Variants in MACROD2 observed in about 807,000 individuals in gnomAD.
The protein encoded by MACROD2 is mono-ADP ribosylhydrolase 2.
MACROD2 carries 36 observed loss-of-function variants against 70.4 expected under a neutral mutation model. The ratio of observed to expected loss-of-function variants is 0.51; its 90% CI spans 0.39 to 0.68. The LOEUF is 0.68. Among genes scored for constraint, MACROD2 ranks in the 30% least tolerant of loss-of-function variants. The pLI is 0.00. For missense variants in MACROD2, 496 were observed against 538.4 expected (o/e 0.92, Z 0.78); for synonymous variants, 172 against 178.8 (o/e 0.96, Z 0.30).
At chr20:15,746,562 T>TA (rs536288457) in intron 8 of MACROD2, among the ~76,000 whole-genome samples, 16,428 of 106,980 alleles carry the variant, frequency 0.15, 1,210 homozygotes, top group East Asian at 0.31. Flanking sequence ...TGGTTTCCAG[T>TA]AAAAAAAAAA....
chr20:14,715,651 A>G (rs988937542), intron 5 of MACROD2, among the ~76,000 whole-genome samples: 1 of 152,166 alleles, frequency 6.6e-6, no homozygotes, highest in East Asian at 1.9e-4. Flanking sequence ...AAACTGTCCC[A>G]TCTGTTCAGA....
At chr20:15,939,107 G>A (rs531584350) in intron 12 of MACROD2, among the ~76,000 whole-genome samples, 1 of 152,196 alleles carries the variant, frequency 6.6e-6, no homozygotes, top group East Asian at 1.9e-4. Flanking sequence ...TTACATTAAT[G>A]TGCAAGGTGA....
chr20:15,975,019 A>T (rs1333814824), intron 13 of MACROD2, among the ~76,000 whole-genome samples: 3 of 152,076 alleles, frequency 2.0e-5, no homozygotes, highest in Non-Finnish European at 2.9e-5. Context: ...AAAAGAGCTA[A>T]TTTTTTTATT....
chr20:14,739,735 G>A (rs973356479), intron 5 of MACROD2, among the ~76,000 whole-genome samples: 2 of 151,988 alleles, frequency 1.3e-5, no homozygotes, highest in African/African-American at 4.8e-5. Flanking sequence ...TTGGAAGCTA[G>A]CTATATACAT....
intron 5 of MACROD2, among the ~76,000 whole-genome samples, chr20:14,896,316 T>TA (rs1184429099): frequency 6.6e-5 from 10 of 151,738 alleles, no homozygotes; most frequent in Non-Finnish European, 1.5e-4. Flanking sequence ...TAAATAAAAT[T>TA]AAAAAAAATT....
At chr20:14,781,807 T>G (rs558952956) in intron 5 of MACROD2, among the ~76,000 whole-genome samples, 64 of 152,144 alleles carry the variant, frequency 4.2e-4, no homozygotes, top group African/African-American at 1.5e-3. Context: ...TTTATTATCA[T>G]AGAAGATAAT....
chr20:14,739,642 AAT>A (rs1306269990), intron 5 of MACROD2, among the ~76,000 whole-genome samples: 2 of 152,026 alleles, frequency 1.3e-5, no homozygotes, highest in Non-Finnish European at 2.9e-5. Context: ...AGGGAGGAAA[AAT>A]ATATAAATGC....
At chr20:15,113,062 A>C (rs1029111430) in intron 5 of MACROD2, among the ~76,000 whole-genome samples, 1 of 151,840 alleles carries the variant, frequency 6.6e-6, no homozygotes, top group African/African-American at 2.4e-5. Flanking sequence ...GGCTATTGCC[A>C]GTGTTTCTAT....
At chr20:15,160,647 C>T (rs1409316925) in intron 5 of MACROD2, among the ~76,000 whole-genome samples, 1 of 152,116 alleles carries the variant, frequency 6.6e-6, no homozygotes, top group Non-Finnish European at 1.5e-5. Context: ...CCTCTCCCCA[C>T]TATCTGCCCC....
intron 8 of MACROD2, among the ~76,000 whole-genome samples, chr20:15,826,566 TG>T (rs2063999358): frequency 1.3e-5 from 2 of 152,220 alleles, no homozygotes; most frequent in Admixed American, 6.5e-5. Context: ...ATTATTGCTA[TG>T]AAATTATTTT....
At chr20:15,829,087 C>T (rs937462459) in intron 8 of MACROD2, among the ~76,000 whole-genome samples, 5 of 151,426 alleles carry the variant, frequency 3.3e-5, no homozygotes, top group African/African-American at 4.9e-5. Context: ...GTAGATTGTT[C>T]TGGTATTTAT....
intron 6 of MACROD2, among the ~76,000 whole-genome samples, chr20:15,279,795 T>C (rs560687409): frequency 6.6e-6 from 1 of 152,196 alleles, no homozygotes; most frequent in African/African-American, 2.4e-5. Flanking sequence ...CCAGACCCTA[T>C]GCTAAGGGCT....
intron 3 of MACROD2, among the ~76,000 whole-genome samples, chr20:14,171,094 T>C (rs2148724202): frequency 6.6e-6 from 1 of 152,296 alleles, no homozygotes; most frequent in African/African-American, 2.4e-5. Flanking sequence ...GGCCAGGAAT[T>C]TGTCCATCTT....
At chr20:14,680,924 GAATT>G (rs1384901203) in intron 4 of MACROD2, among the ~76,000 whole-genome samples, 1 of 152,028 alleles carries the variant, frequency 6.6e-6, no homozygotes, top group African/African-American at 2.4e-5. Flanking sequence ...AAGTGAAATG[GAATT>G]AATAACAGAT....
At chr20:15,764,875 G>A (rs2051496436) in intron 8 of MACROD2, among the ~76,000 whole-genome samples, 1 of 152,098 alleles carries the variant, frequency 6.6e-6, no homozygotes, top group African/African-American at 2.4e-5. Flanking sequence ...TTATGATTTA[G>A]TCCCTGCTAA....
chr20:14,930,874 A>C (rs1007306166), intron 5 of MACROD2, among the ~76,000 whole-genome samples: 26 of 150,864 alleles, frequency 1.7e-4, no homozygotes, highest in African/African-American at 6.1e-4. Context: ...AAAAAAAAAA[A>C]AAAACAAAAG....
intron 2 of MACROD2, among the ~76,000 whole-genome samples, chr20:14,071,251 T>G (rs2053833211): frequency 1.6e-5 from 2 of 121,342 alleles, no homozygotes; most frequent in African/African-American, 3.0e-5. Context: ...TTTCATCTTG[T>G]GTTTTTTTTT....
At chr20:15,294,254 G>A (rs531884419) in intron 6 of MACROD2, among the ~76,000 whole-genome samples, 41 of 152,186 alleles carry the variant, frequency 2.7e-4, no homozygotes, top group Non-Finnish European at 5.1e-4. Flanking sequence ...AAAGCTGATG[G>A]GATGGGACAT....
At chr20:15,761,592 G>A (rs1233654064) in intron 8 of MACROD2, among the ~76,000 whole-genome samples, 1 of 152,052 alleles carries the variant, frequency 6.6e-6, no homozygotes, top group African/African-American at 2.4e-5. Flanking sequence ...TTTGTTATAG[G>A]CAAAATTCAA....
Sources: gnomAD v4.1 joint callset for allele counts (sites outside exome capture counted in the v4.1 genomes callset) on GRCh38, gnomAD v4.1.1 for gene constraint, MANE v1.5 for transcripts, NCBI Gene and HGNC (gene_info 2026-07-23, HGNC 2026-07-21) for gene names.